Variants in GRIA1 observed in about 807,000 individuals in gnomAD.
The protein encoded by GRIA1 is glutamate ionotropic receptor AMPA type subunit 1, also known as glutamate receptor 1.
A neutral mutation model predicts 99.2 loss-of-function variants in GRIA1; 31 were observed. The ratio of observed to expected loss-of-function variants is 0.31; its 90% CI spans 0.23 to 0.42. The LOEUF is 0.42. Ranked by LOEUF, GRIA1 falls within the 10% of genes least tolerant of loss-of-function variation. GRIA1 has a pLI of 1.00. For synonymous variants in GRIA1, 438 were observed against 432.4 expected, an observed-to-expected ratio of 1.01 and a Z score of -0.16; for missense variants, 782 against 1,157.5, an observed-to-expected ratio of 0.68 and a Z score of 4.71.
intron 2 of GRIA1, among the ~76,000 whole-genome samples, chr5:153,638,519 T>C (rs1753553445): frequency 1.3e-5 from 2 of 152,240 alleles, no homozygotes; most frequent in African/African-American, 4.8e-5. Flanking sequence ...GTTGTTCTGC[T>C]TCCCTTGACC....
intron 2 of GRIA1, among the ~76,000 whole-genome samples, chr5:153,641,752 A>C (rs2149447242): frequency 6.6e-6 from 1 of 152,338 alleles, no homozygotes; most frequent in Admixed American, 6.5e-5. Context: ...TTCAGTGTCA[A>C]AGCTGGCACT....
At chr5:153,499,353 C>T (rs2113225689) in intron 2 of GRIA1, among the ~76,000 whole-genome samples, 1 of 152,176 alleles carries the variant, frequency 6.6e-6, no homozygotes, top group African/African-American at 2.4e-5. Context: ...CAGTGGCTCA[C>T]ACTTGTAATC....
At chr5:153,746,948 T>C (rs1762198856) in intron 11 of GRIA1, among the ~76,000 whole-genome samples, 1 of 152,178 alleles carries the variant, frequency 6.6e-6, no homozygotes, top group Non-Finnish European at 1.5e-5. Flanking sequence ...AAAAATCACA[T>C]GAGTGGAATC....
chr5:153,747,105 G>C (rs1762208248), intron 11 of GRIA1, among the ~76,000 whole-genome samples: 1 of 152,192 alleles, frequency 6.6e-6, no homozygotes, highest in Non-Finnish European at 1.5e-5. Flanking sequence ...ACTGAGGCTA[G>C]GTAATTCCTA....
intron 11 of GRIA1, among the ~76,000 whole-genome samples, chr5:153,746,619 C>T (rs939240186): frequency 6.6e-6 from 1 of 152,138 alleles, no homozygotes; most frequent in Admixed American, 6.5e-5. Flanking sequence ...CCCATCTCAC[C>T]TCTGAAAATG....
At chr5:153,669,058 A>G (rs1561748325) in intron 5 of GRIA1, among the ~76,000 whole-genome samples, 3 of 152,172 alleles carry the variant, frequency 2.0e-5, no homozygotes, top group Admixed American at 6.5e-5. Context: ...AGGTCTCTTA[A>G]CCATAGCTCC....
intron 2 of GRIA1, among the ~76,000 whole-genome samples, chr5:153,503,001 A>G (rs918499017): frequency 6.6e-6 from 1 of 152,184 alleles, no homozygotes; most frequent in Admixed American, 6.5e-5. Context: ...GATTTTTTGC[A>G]TATTACAACC....
intron 2 of GRIA1, among the ~76,000 whole-genome samples, chr5:153,599,984 A>G (rs917345083): frequency 6.6e-6 from 1 of 152,070 alleles, no homozygotes; most frequent in Admixed American, 6.5e-5. Flanking sequence ...GTGTGCAGGG[A>G]GATGAAGCCC....
At chr5:153,794,492 G>C in intron 13 of GRIA1, 129 bp from the exon 14 acceptor site, 1 of 681,210 alleles carries the variant, frequency 1.5e-6, no homozygotes, top group Non-Finnish European at 2.7e-6. Context: ...TGGGGGCAGG[G>C]CATCCTCAGG....
chr5:153,558,547 A>T (rs940029227), intron 2 of GRIA1, among the ~76,000 whole-genome samples: 3 of 151,816 alleles, frequency 2.0e-5, no homozygotes, highest in Non-Finnish European at 4.4e-5. Context: ...ATCCGTTCAC[A>T]TTGTTGTGTG....
At chr5:153,580,690 C>T (rs1762968329) in intron 2 of GRIA1, among the ~76,000 whole-genome samples, 1 of 152,130 alleles carries the variant, frequency 6.6e-6, no homozygotes, top group Non-Finnish European at 1.5e-5. Context: ...TAATATTACA[C>T]TCTGGTGCCA....
upstream of GRIA1, chr5:153,490,264 C>A (rs894336666): frequency 1.1e-5 from 2 of 173,998 alleles, no homozygotes; most frequent in Non-Finnish European, 2.4e-5. Flanking sequence ...CCCCTGCCAC[C>A]TACTGACTTA....
intron 13 of GRIA1, among the ~76,000 whole-genome samples, chr5:153,784,920 A>G (rs1394599994): frequency 6.6e-6 from 1 of 152,192 alleles, no homozygotes; most frequent in Non-Finnish European, 1.5e-5. Flanking sequence ...TTTCCTCGGC[A>G]GTGGCAGGGT....
At chr5:153,632,424 A>G (rs1457765615) in intron 2 of GRIA1, among the ~76,000 whole-genome samples, 1 of 152,216 alleles carries the variant, frequency 6.6e-6, no homozygotes, top group African/African-American at 2.4e-5. Context: ...AAATCCTACC[A>G]AAAGTCAGGC....
At chr5:153,563,489 T>C (rs1432990293) in intron 2 of GRIA1, among the ~76,000 whole-genome samples, 2 of 152,214 alleles carry the variant, frequency 1.3e-5, no homozygotes, top group Non-Finnish European at 2.9e-5. Flanking sequence ...GGATGGAAGA[T>C]AGAAGGAGGA....
At chr5:153,699,444 CTTTCTAG>C (rs1758353730) in intron 10 of GRIA1, among the ~76,000 whole-genome samples, 1 of 152,204 alleles carries the variant, frequency 6.6e-6, no homozygotes, top group Non-Finnish European at 1.5e-5. Context: ...GCCAACCTAA[CTTTCTAG>C]TTACTTGCCT....
intron 2 of GRIA1, among the ~76,000 whole-genome samples, chr5:153,540,907 A>C (rs563008811): frequency 6.6e-6 from 1 of 152,170 alleles, no homozygotes; most frequent in Admixed American, 6.5e-5. Flanking sequence ...TTGGGAATTG[A>C]ATGAACGTTG....
At chr5:153,620,682 C>T (rs543865929) in intron 2 of GRIA1, among the ~76,000 whole-genome samples, 1 of 152,196 alleles carries the variant, frequency 6.6e-6, no homozygotes, top group African/African-American at 2.4e-5. Context: ...TTTTAAAATA[C>T]TATTTCATTT....
At chr5:153,625,785 C>A (rs1174485873) in intron 2 of GRIA1, among the ~76,000 whole-genome samples, 1 of 152,218 alleles carries the variant, frequency 6.6e-6, no homozygotes, top group Non-Finnish European at 1.5e-5. Flanking sequence ...TATGTGCCAG[C>A]CAATGTTCTG....
Sources: allele counts gnomAD v4.1 joint callset (sites outside exome capture counted in the v4.1 genomes callset), GRCh38; gene constraint gnomAD v4.1.1; transcripts MANE v1.5; gene names NCBI Gene and HGNC (gene_info 2026-07-23, HGNC 2026-07-21).